The following RAPH1 variants were observed in gnomAD, a reference collection of about 807,000 sequenced individuals.
RAPH1 encodes Ras association (RalGDS/AF-6) and pleckstrin homology domains 1.
RAPH1 carries 18 observed loss-of-function variants against 88.1 expected under a neutral mutation model. That is an observed-to-expected ratio of 0.20 (90% confidence interval 0.14 to 0.30). RAPH1 has a LOEUF of 0.30. Among genes scored for constraint, RAPH1 ranks in the 10% least tolerant of loss-of-function variants. The probability of loss-of-function intolerance (pLI) is 1.00; values close to 1 mark genes in which losing one functional copy is unlikely to be tolerated. For synonymous variants in RAPH1, 587 were observed against 559.0 expected (o/e 1.05, Z -0.71); for missense variants, 1,448 against 1,543.2 (o/e 0.94, Z 1.03).
At chr2:203,512,295 G>A (rs1327784708) in intron 1 of RAPH1, among the ~76,000 whole-genome samples, 1 of 150,656 alleles carries the variant, frequency 6.6e-6, no homozygotes, top group African/African-American at 2.4e-5. Flanking sequence ...TGGGTGTGGT[G>A]GTGCACACCA....
intron 2 of RAPH1, among the ~76,000 whole-genome samples, chr2:203,491,611 C>T (rs1236738017): frequency 2.0e-5 from 3 of 152,138 alleles, no homozygotes; most frequent in African/African-American, 7.2e-5. Flanking sequence ...ACCTCCGCCT[C>T]CCGGGTTCAA....
chr2:203,464,421 G>A (rs542651152), intron 4 of RAPH1, among the ~76,000 whole-genome samples: 3 of 152,106 alleles, frequency 2.0e-5, no homozygotes, highest in Non-Finnish European at 4.4e-5. Context: ...ACAGATGCCC[G>A]CCACCATGCC....
rs769035065 is a variant in RAPH1 at position 203,489,902 on chromosome 2, A to T, written c.414T>A (p.Ser138=). 2 of 1,614,208 alleles carry T rather than the reference A, an allele frequency of 1.2e-6. No homozygotes were observed. The highest frequency in any genetic ancestry group is 3.3e-5 in the Admixed American group (2 of 60,020). Reference sequence around the variant, plus strand: ...AAGGTTTAGCTATCCTATTAGATGAAGAAGATAATCCTTTCAAGGTGCCAT... The same window carrying T: ...AAGGTTTAGCTATCCTATTAGATGATGAAGATAATCCTTTCAAGGTGCCAT... ...LKHGTLKGLS[S]SSNRIAKPSH... is the part of the protein sequence containing the mutation. Residue 138 remains serine, a synonymous_variant, in exon 4 of 14, where the codon TCT becomes TCA. Transcript: ENST00000319170.
intron 1 of RAPH1, among the ~76,000 whole-genome samples, chr2:203,530,984 G>T (rs552213735): frequency 1.3e-5 from 2 of 152,154 alleles, no homozygotes; most frequent in African/African-American, 4.8e-5. Context: ...CCATTCAATG[G>T]GGAAAGGACA....
chr2:203,493,956 A>T (rs559182776), intron 2 of RAPH1, among the ~76,000 whole-genome samples: 34 of 127,118 alleles, frequency 2.7e-4, no homozygotes, highest in African/African-American at 9.6e-4. Flanking sequence ...GGGCGACAGG[A>T]GTGAGACTCT....
At chr2:203,458,808 G>A (rs1420677497) in intron 7 of RAPH1, among the ~76,000 whole-genome samples, 2 of 151,766 alleles carry the variant, frequency 1.3e-5, no homozygotes, top group African/African-American at 2.4e-5. Context: ...TGTCACCCAG[G>A]CTGGAGTGCA....
intron 1 of RAPH1, among the ~76,000 whole-genome samples, chr2:203,513,536 A>C (rs1404669136): frequency 1.4e-5 from 2 of 146,852 alleles, no homozygotes; most frequent in Admixed American, 6.8e-5. Flanking sequence ...CTATTTCAAA[A>C]AAAAAAAAAA....
intron 12 of RAPH1, chr2:203,447,181 C>CTTTTTTT (rs1161851720): frequency 7.8e-6 from 1 of 128,036 alleles, no homozygotes; most frequent in Non-Finnish European, 1.6e-5. Context: ...TCTTTTCTTT[C>CTTTTTTT]TTTTTTTTTT....
chr2:203,491,083 A>AT, intron 3 of RAPH1, 131 bp downstream of exon 3: 1 of 531,378 alleles, frequency 1.9e-6, no homozygotes, highest in Non-Finnish European at 3.2e-6. Context: ...GAAAAAAGAA[A>AT]TTTAAGAACT....
chr2:203,454,106 C>A (rs2098517166), intron 10 of RAPH1, among the ~76,000 whole-genome samples: 1 of 152,134 alleles, frequency 6.6e-6, no homozygotes, highest in East Asian at 1.9e-4. Context: ...ACATTTATGA[C>A]CTACATTCGG....
chr2:203,516,270 A>T (rs1204078565), intron 1 of RAPH1, among the ~76,000 whole-genome samples: 5 of 152,242 alleles, frequency 3.3e-5, no homozygotes, highest in African/African-American at 4.8e-5. Flanking sequence ...CAACTGATAC[A>T]CTAAGAAAGG....
At chr2:203,508,092 T>G (rs79713714) in intron 1 of RAPH1, among the ~76,000 whole-genome samples, 10,391 of 150,800 alleles carry the variant, frequency 0.069, 517 homozygotes, top group Admixed American at 0.098. Context: ...TGGTGGTGGG[T>G]GCCTGTAGTC....
intron 9 of RAPH1, among the ~76,000 whole-genome samples, chr2:203,455,059 G>A (rs1345121296): frequency 6.6e-6 from 1 of 152,122 alleles, no homozygotes. Context: ...CGAAGTGATA[G>A]CTACACCAGG....
In RAPH1 at chr2:203,489,851, G is replaced by A. The variant is rs371839701; in HGVS notation, c.465C>T (p.Asp155=). ...KPSHASYSLD[D]VTAQLEQASL... ...AGGCCTGTTCTAACTGTGCAGTGAC[G>A]TCGTCCAAGGAGTAGCTGGCATGGG... Residue 155 remains aspartate, a synonymous_variant, in exon 4 of 14, where the codon GAC becomes GAT. Transcript: ENST00000319170. 26 of 1,614,118 alleles carry A rather than the reference G, an allele frequency of 1.6e-5. No homozygotes were observed. Among genetic ancestry groups the A allele is most frequent in the Non-Finnish European group, 2.1e-5 (25 of 1,180,044 alleles).
chr2:203,491,473 T>C (rs1045415561), intron 2 of RAPH1, among the ~76,000 whole-genome samples, 154 bp from the exon 3 acceptor site: 3 of 152,266 alleles, frequency 2.0e-5, no homozygotes, highest in Non-Finnish European at 2.9e-5. Context: ...AGTATAATTG[T>C]ATTTGACATT....
rs1400733211 is a variant in RAPH1 at position 203,495,109 on chromosome 2, C to CAAAG, written c.120+124_120+125insCTTT. On this transcript the variant is annotated intron_variant, in intron 2 of 13. Coordinates refer to ENST00000319170, the MANE Select transcript of RAPH1 (RefSeq NM_213589.3). ...TGACTTCATTTACTTGTCAATACTT[C>CAAAG]GAACATTTCTTCCTTTCTGGCAATA... is the stretch of plus-strand genomic sequence containing the variant. 5.8e-5 allele frequency: 59 copies of CAAAG among 1,011,064 alleles called. No homozygotes were observed. In the African/African-American group the frequency reaches 7.0e-4, roughly 12 times the overall value. 62.6% of individuals were successfully genotyped at this position (1,011,064 alleles called of 1,614,324 possible). A position where few individuals can be genotyped will look rare whatever the true frequency, so the allele number is the denominator to read the frequency against.
chr2:203,518,765 T>C (rs1164607763), intron 1 of RAPH1, among the ~76,000 whole-genome samples: 1 of 151,870 alleles, frequency 6.6e-6, no homozygotes. Flanking sequence ...GGAGGATCAT[T>C]TGAGCCCAGT....
In RAPH1 at chr2:203,448,243, ATTC is replaced by A. The variant is rs959878014; in HGVS notation, c.1513-167_1513-165del. Among the ~76,000 whole-genome samples, 8 of 151,938 alleles carry A rather than the reference ATTC, an allele frequency of 5.3e-5. No individual in the cohort carries two copies. The highest frequency in any genetic ancestry group is 1.7e-4 in the African/African-American group (7 of 41,422). ...CCTCTAATACCATAAATTATAATCT[ATTC>A]TTATTTCTCCTCATTTTTAGAGGGG... On this transcript the variant is annotated intron_variant, in intron 11 of 13. Coordinates refer to ENST00000319170, the MANE Select transcript of RAPH1 (RefSeq NM_213589.3). The surrounding 1 kb of genome is among the most constrained non-coding windows in gnomAD (Gnocchi z 4.1).
At chr2:203,474,839 G>A (rs1448549389) in intron 4 of RAPH1, among the ~76,000 whole-genome samples, 1 of 152,260 alleles carries the variant, frequency 6.6e-6, no homozygotes, top group African/African-American at 2.4e-5. Context: ...GGCCGGGAGT[G>A]ATGGCTCATG....
Sources: allele counts gnomAD v4.1 joint callset (sites outside exome capture counted in the v4.1 genomes callset), GRCh38; gene constraint gnomAD v4.1.1; non-coding constraint Gnocchi (gnomAD v3.1); transcripts MANE v1.5; gene names NCBI Gene and HGNC (gene_info 2026-07-23, HGNC 2026-07-21).